Variants in NEXMIF observed in about 807,000 individuals in gnomAD.
NEXMIF encodes neurite extension and migration factor, also known as XLMR protein related to neurite extension.
A neutral mutation model predicts 62.1 loss-of-function variants in NEXMIF; 8 were observed. The ratio of observed to expected loss-of-function variants is 0.13; its 90% CI spans 0.08 to 0.23. The LOEUF is 0.23. Ranked by LOEUF, NEXMIF falls within the 10% of genes least tolerant of loss-of-function variation. The probability of loss-of-function intolerance (pLI) is 1.00; values close to 1 mark genes in which losing one functional copy is unlikely to be tolerated. For missense variants in NEXMIF, 976 were observed against 1,113.3 expected (o/e 0.88, Z 1.75); for synonymous variants, 404 against 416.6 (o/e 0.97, Z 0.37).
At chrX:74,873,370 T>G (rs1244718460) in intron 1 of NEXMIF, among the ~76,000 whole-genome samples, 2 of 112,367 alleles carry the variant, frequency 1.8e-5, no homozygotes, top group East Asian at 2.8e-4. Flanking sequence ...TGTGCCACAT[T>G]TTCTTAATCC....
rs189943595 is a variant in NEXMIF at position 74,798,400 on chromosome X, G to A, written c.-47-52703C>T. 3.5e-3 allele frequency among the ~76,000 whole-genome samples: 393 copies of A among 111,938 alleles called. 2 individuals carry two copies. The highest frequency in any genetic ancestry group is 0.012 in the African/African-American group (383 of 30,881). Reference sequence around the variant, plus strand: ...TTCTCTCAATCAAAACTTATAATAGGCCAAACTATCCATATGGCACACAAC... The same window carrying A: ...TTCTCTCAATCAAAACTTATAATAGACCAAACTATCCATATGGCACACAAC... On this transcript the variant is annotated intron_variant, in intron 1 of 3. Coordinates refer to ENST00000055682, the MANE Select transcript of NEXMIF (RefSeq NM_001008537.3).
chrX:74,809,126 G>T (rs1315251691), intron 1 of NEXMIF, among the ~76,000 whole-genome samples: 1 of 111,076 alleles, frequency 9.0e-6, no homozygotes, highest in Non-Finnish European at 1.9e-5. Context: ...CTTGATCTTG[G>T]ACTTCCCAGC....
At chrX:74,783,125 T>C (rs758899133) in intron 1 of NEXMIF, among the ~76,000 whole-genome samples, 6 of 111,489 alleles carry the variant, frequency 5.4e-5, no homozygotes, top group Non-Finnish European at 9.4e-5. Flanking sequence ...GAGAGCATCA[T>C]GGAAAGTTCC....
chrX:74,839,989 T>A (rs2080468897), intron 1 of NEXMIF, among the ~76,000 whole-genome samples: 1 of 111,913 alleles, frequency 8.9e-6, no homozygotes, highest in South Asian at 3.7e-4. Flanking sequence ...GGAATCACCA[T>A]ACTGCTTTCC....
At chrX:74,778,715 A>G (rs764130928) in intron 1 of NEXMIF, among the ~76,000 whole-genome samples, 1 of 111,566 alleles carries the variant, frequency 9.0e-6, no homozygotes, top group South Asian at 3.7e-4. Context: ...CTTACATTAC[A>G]TTTTGTCTCA....
intron 1 of NEXMIF, among the ~76,000 whole-genome samples, chrX:74,780,380 T>G (rs759083645): frequency 6.2e-4 from 68 of 109,504 alleles, no homozygotes; most frequent in East Asian, 1.4e-3. Flanking sequence ...TTACTGTTTT[T>G]TTTTTTTTTT....
At chrX:74,857,082 G>A (rs374949369) in intron 1 of NEXMIF, among the ~76,000 whole-genome samples, 1 of 111,931 alleles carries the variant, frequency 8.9e-6, no homozygotes, top group African/African-American at 3.3e-5. Context: ...TTTGAAAGGC[G>A]GTCTAGGACA....
intron 1 of NEXMIF, among the ~76,000 whole-genome samples, chrX:74,850,271 G>A (rs1431767415): frequency 1.8e-5 from 2 of 112,133 alleles, no homozygotes; most frequent in Non-Finnish European, 3.8e-5. Flanking sequence ...CACAGCCACT[G>A]CTAACACCAG....
At chrX:74,866,578 G>A (rs756490873) in intron 1 of NEXMIF, among the ~76,000 whole-genome samples, 11 of 112,338 alleles carry the variant, frequency 9.8e-5, no homozygotes, top group Non-Finnish European at 1.9e-4. Flanking sequence ...GGAATGATAT[G>A]GTTTGGTTGT....
chrX:74,902,595 C>T (rs1786256413), intron 1 of NEXMIF, among the ~76,000 whole-genome samples: 3 of 110,651 alleles, frequency 2.7e-5, no homozygotes, highest in African/African-American at 9.9e-5. Context: ...ATCTCCTTGC[C>T]CCTCTTGTCT....
chrX:74,769,093 G>A (rs1158708935), intron 1 of NEXMIF, among the ~76,000 whole-genome samples: 1 of 104,537 alleles, frequency 9.6e-6, no homozygotes, highest in East Asian at 3.0e-4. Context: ...CTGATCTATA[G>A]TTTTTTTTTT....
At position 74,921,286 on chromosome X, in the gene NEXMIF, A is replaced by G. The variant is rs947241274; in HGVS notation, c.-48+3597T>C. Among the ~76,000 whole-genome samples the G allele has an allele frequency of 3.6e-5, 4 of 110,999 alleles. No individual in the cohort carries two copies. In the South Asian group the frequency reaches 1.6e-3, roughly 43 times the overall value. On this transcript the variant is annotated intron_variant, in intron 1 of 3. Transcript: ENST00000055682. The stretch of plus-strand genomic sequence containing the variant: ...TCACGCCTACCTGTAGCTGGTCCAT[A>G]AAAGACTCTATCATCACTAAAAGGC...
intron 1 of NEXMIF, among the ~76,000 whole-genome samples, chrX:74,751,273 A>C (rs2080141465): frequency 9.0e-6 from 1 of 111,299 alleles, no homozygotes; most frequent in South Asian, 3.8e-4. Flanking sequence ...CAAAAAACTC[A>C]TATAGAAGAG....
chrX:74,879,162 C>G (rs1395943604), intron 1 of NEXMIF, among the ~76,000 whole-genome samples: 1 of 112,333 alleles, frequency 8.9e-6, no homozygotes, highest in Non-Finnish European at 1.9e-5. Flanking sequence ...GTGTAGTAGG[C>G]TAAATCATCT....
chrX:74,789,828 T>G (rs1250088225), intron 1 of NEXMIF, among the ~76,000 whole-genome samples: 2 of 108,280 alleles, frequency 1.8e-5, no homozygotes, highest in Non-Finnish European at 3.8e-5. Context: ...GGTTGTTTGT[T>G]TTTTCCTTGT....
chrX:74,815,521 T>C (rs1291814117), intron 1 of NEXMIF, among the ~76,000 whole-genome samples: 5 of 111,710 alleles, frequency 4.5e-5, no homozygotes, highest in Non-Finnish European at 9.4e-5. Flanking sequence ...TTGAAAAATA[T>C]TCCTTTCCAC....
intron 1 of NEXMIF, among the ~76,000 whole-genome samples, chrX:74,888,657 C>T: frequency 9.0e-6 from 1 of 110,607 alleles, no homozygotes. Context: ...AAACCTGCAC[C>T]CTCTGCACAT....
chrX:74,872,144 A>C (rs1019417618), intron 1 of NEXMIF, among the ~76,000 whole-genome samples: 39 of 111,337 alleles, frequency 3.5e-4, no homozygotes, highest in Non-Finnish European at 5.8e-4. Context: ...TTCAAAATTT[A>C]TGTTCTTCTG....
At position 74,744,220 on chromosome X, in the gene NEXMIF, A is replaced by G; in HGVS notation, c.337T>C (p.Ser113Pro). ...SGIAKGLNTW[S>P]LPNECEKAPF... ...GCTTTCTCACATTCATTGGGAAGTG[A>G]CCATGTGTTCAGGCCTTTTGCAATG... Residue 113 changes from serine (S) to proline (P), a missense_variant, in exon 3 of 4, where the codon TCA (serine) becomes CCA (proline). By Grantham distance (74) the Ser-to-Pro change is moderately conservative. Transcript: ENST00000055682. 8.3e-7 allele frequency: 1 copy of G among 1,211,520 alleles called. No homozygotes were observed. Among genetic ancestry groups the G allele is most frequent in the Non-Finnish European group, 1.1e-6 (1 of 895,473 alleles).
Sources: allele counts gnomAD v4.1 joint callset (sites outside exome capture counted in the v4.1 genomes callset), GRCh38; gene constraint gnomAD v4.1.1; transcripts MANE v1.5; gene names NCBI Gene and HGNC (gene_info 2026-07-23, HGNC 2026-07-21).